GPC6: variants seen among roughly 807,000 people sequenced by gnomAD.
The protein encoded by GPC6 is glypican 6.
Under a neutral mutation model 55.2 loss-of-function variants are expected in GPC6, and 14 were observed. The observed-to-expected ratio is 0.25, with a 90% CI of 0.17 to 0.40. The LOEUF (loss-of-function observed/expected upper bound fraction) is 0.40, where lower values mean the gene tolerates loss of function less well. GPC6 is among the 10% of genes least tolerant of loss of function. The pLI, the probability that GPC6 is intolerant of heterozygous loss-of-function variation, is 1.00. For synonymous variants in GPC6, 278 were observed against 259.6 expected, an observed-to-expected ratio of 1.07 and a Z score of -0.68; for missense variants, 641 against 708.5, an observed-to-expected ratio of 0.90 and a Z score of 1.08.
intron 1 of GPC6, among the ~76,000 whole-genome samples, chr13:93,390,490 A>G (rs1027281156): frequency 1.3e-5 from 2 of 152,104 alleles, no homozygotes; most frequent in African/African-American, 2.4e-5. Flanking sequence ...AGCTTCTAAG[A>G]CTCAAAAACA....
intron 1 of GPC6, among the ~76,000 whole-genome samples, chr13:93,457,164 A>C (rs1338857803): frequency 6.6e-6 from 1 of 152,182 alleles, no homozygotes; most frequent in African/African-American, 2.4e-5. Flanking sequence ...TACCAGTCTC[A>C]GGTATGTCTT....
At chr13:93,465,142 C>A (rs1007973920) in intron 1 of GPC6, among the ~76,000 whole-genome samples, 3 of 152,156 alleles carry the variant, frequency 2.0e-5, no homozygotes, top group Non-Finnish European at 4.4e-5. Flanking sequence ...TTATAGAGCA[C>A]CATCAGAGTA....
chr13:93,713,189 A>C lies in GPC6; in HGVS notation c.320-116965A>C, dbSNP rs533094398. On this transcript the variant is annotated intron_variant, in intron 2 of 8. Coordinates refer to ENST00000377047, the MANE Select transcript of GPC6 (RefSeq NM_005708.5). ...ATAGGATTCAATATTAAGATTAAAA[A>C]TTTAGCAATAAATGCAATTACTGGT... 2.9e-3 allele frequency among the ~76,000 whole-genome samples: 447 copies of C among 151,780 alleles called. 2 individuals carry two copies. The highest frequency in any genetic ancestry group is 0.02 in the Middle Eastern group (6 of 294).
intron 3 of GPC6, among the ~76,000 whole-genome samples, chr13:93,920,101 C>T (rs1298815513): frequency 6.6e-6 from 1 of 152,142 alleles, no homozygotes; most frequent in African/African-American, 2.4e-5. Flanking sequence ...CACCGACCTT[C>T]CCTTAGCCTT....
chr13:94,039,685 G>A (rs1220284935), intron 4 of GPC6, among the ~76,000 whole-genome samples: 3 of 151,834 alleles, frequency 2.0e-5, no homozygotes, highest in Non-Finnish European at 4.4e-5. Flanking sequence ...CAAAAGCTGG[G>A]ATGTCACAAA....
At chr13:93,836,229 T>C (rs1887726098) in intron 3 of GPC6, 1 of 152,200 alleles carries the variant, frequency 6.6e-6, no homozygotes, top group Non-Finnish European at 1.5e-5. Context: ...TTTAATGAAA[T>C]AGAGGTTATC....
At chr13:93,977,549 A>G (rs1034728316) in intron 3 of GPC6, among the ~76,000 whole-genome samples, 1 of 148,792 alleles carries the variant, frequency 6.7e-6, no homozygotes, top group Admixed American at 6.8e-5. Context: ...ATTTCATTAT[A>G]TGTGCTGATT....
At position 94,169,168 on chromosome 13, in the gene GPC6, T is replaced by C. The variant is rs1353406621; in HGVS notation, c.878-117181T>C. Among the ~76,000 whole-genome samples, 7 of 152,342 alleles carry C rather than the reference T, an allele frequency of 4.6e-5. No individual in the cohort carries two copies. The East Asian group carries it at 1.3e-3, about 29-fold the overall frequency. On this transcript the variant is annotated intron_variant, in intron 4 of 8. Coordinates refer to ENST00000377047, the MANE Select transcript of GPC6 (RefSeq NM_005708.5). Reference sequence around the variant, plus strand: ...ACAGGATAGGAAACAACGTTTGCAATATCACTTTTAAAAGAAAAGCAACAG... The same window carrying C: ...ACAGGATAGGAAACAACGTTTGCAACATCACTTTTAAAAGAAAAGCAACAG...
chr13:94,010,244 A>G (rs1882192073), intron 3 of GPC6, among the ~76,000 whole-genome samples: 1 of 152,172 alleles, frequency 6.6e-6, no homozygotes, highest in African/African-American at 2.4e-5. Context: ...TTCCTTCAAA[A>G]AGGACTTGAA....
At chr13:93,463,714 C>CATAT (rs1355995889) in intron 1 of GPC6, among the ~76,000 whole-genome samples, 1 of 151,886 alleles carries the variant, frequency 6.6e-6, no homozygotes, top group Non-Finnish European at 1.5e-5. Context: ...CGCCTTTTGA[C>CATAT]ATATTGTTGC....
intron 1 of GPC6, among the ~76,000 whole-genome samples, chr13:93,403,783 T>A (rs1876182998): frequency 2.0e-5 from 3 of 152,150 alleles, no homozygotes; most frequent in Admixed American, 2.0e-4. Context: ...CTAATTTTTT[T>A]TTCTCTCTCT....
intron 1 of GPC6, among the ~76,000 whole-genome samples, chr13:93,391,038 A>G (rs2139217646): frequency 6.6e-6 from 1 of 152,200 alleles, no homozygotes; most frequent in East Asian, 1.9e-4. Context: ...GTGCCTGGTA[A>G]TCAAGGAACA....
chr13:94,080,518 ATAT>A (rs1036701437), intron 4 of GPC6, among the ~76,000 whole-genome samples: 2 of 152,212 alleles, frequency 1.3e-5, no homozygotes, highest in African/African-American at 2.4e-5. Flanking sequence ...AATCAGGTTA[ATAT>A]TTTTTTTCAT....
At chr13:93,319,357 C>A (rs893670054) in intron 1 of GPC6, among the ~76,000 whole-genome samples, 1 of 151,992 alleles carries the variant, frequency 6.6e-6, no homozygotes, top group African/African-American at 2.4e-5. Flanking sequence ...GGGGAAAAAC[C>A]CACTAAAAAG....
At chr13:93,286,237 T>C (rs922137685) in intron 1 of GPC6, among the ~76,000 whole-genome samples, 5 of 152,064 alleles carry the variant, frequency 3.3e-5, no homozygotes, top group Non-Finnish European at 7.4e-5. Flanking sequence ...AACCATCAGA[T>C]CTCATGAGAA....
intron 3 of GPC6, 107 bp from the exon 4 acceptor site, chr13:94,027,622 A>T: frequency 1.0e-6 from 1 of 966,346 alleles, no homozygotes; most frequent in Non-Finnish European, 1.6e-6. Context: ...CAGTAATTAC[A>T]AAGGGTTAAG....
At chr13:93,336,371 G>C in intron 1 of GPC6, among the ~76,000 whole-genome samples, 1 of 152,108 alleles carries the variant, frequency 6.6e-6, no homozygotes, top group East Asian at 1.9e-4. Flanking sequence ...ATATTCCTAG[G>C]AGCAATAATT....
chr13:94,321,356 G>A (rs1876813988), intron 6 of GPC6, among the ~76,000 whole-genome samples: 2 of 152,136 alleles, frequency 1.3e-5, no homozygotes, highest in Non-Finnish European at 2.9e-5. Flanking sequence ...TTGCTATTAT[G>A]AATTTTGCTG....
intron 2 of GPC6, among the ~76,000 whole-genome samples, chr13:93,648,671 T>C (rs1235671349): frequency 6.6e-6 from 1 of 152,190 alleles, no homozygotes; most frequent in Non-Finnish European, 1.5e-5. Context: ...GAACATGGAA[T>C]TTTATATCCA....
Sources: allele counts gnomAD v4.1 joint callset (sites outside exome capture counted in the v4.1 genomes callset), GRCh38; gene constraint gnomAD v4.1.1; transcripts MANE v1.5; gene names NCBI Gene and HGNC (gene_info 2026-07-23, HGNC 2026-07-21).